Variants in RANBP2 observed in about 807,000 individuals in gnomAD.
RANBP2 encodes E3 SUMO-protein ligase RanBP2.
A neutral mutation model predicts 303.6 loss-of-function variants in RANBP2; 57 were observed. The ratio of observed to expected loss-of-function variants is 0.19; its 90% confidence interval spans 0.15 to 0.23. The LOEUF (loss-of-function observed/expected upper bound fraction) is 0.23. Among genes scored for constraint, RANBP2 ranks in the 10% least tolerant of loss-of-function variants. The probability of loss-of-function intolerance (pLI) is 1.00; values close to 1 mark genes in which losing one functional copy is unlikely to be tolerated. For synonymous variants in RANBP2, 1,167 were observed against 1,301.5 expected, an observed-to-expected ratio of 0.90 and a Z score of 2.23; for missense variants, 3,138 against 3,780.8, an observed-to-expected ratio of 0.83 and a Z score of 4.46.
At chr2:109,500,124 C>T in the RANBP2 span, among the ~76,000 whole-genome samples, 252 of 152,228 alleles carry the variant, frequency 1.7e-3, 2 homozygotes, top group African/African-American at 5.8e-3. Context: ...TTTTGGCTGC[C>T]GTGAGGTTTC....
At chr2:108,762,798 C>CCATCATCATCATCATCAT (rs112880794) in intron 19 of RANBP2, among the ~76,000 whole-genome samples, 1 of 151,294 alleles carries the variant, frequency 6.6e-6, no homozygotes, top group Middle Eastern at 3.4e-3. Flanking sequence ...ATAAATGTTA[C>CCATCATCATCATCATCAT]CATCATCATC....
the RANBP2 span, among the ~76,000 whole-genome samples, chr2:109,547,852 C>G: frequency 2.6e-5 from 4 of 152,132 alleles, no homozygotes; most frequent in Admixed American, 2.6e-4. Flanking sequence ...AAATAGGAAA[C>G]TCAGCTTGCT....
At chr2:109,101,386 AG>A in the RANBP2 span, among the ~76,000 whole-genome samples, 1 of 151,784 alleles carries the variant, frequency 6.6e-6, no homozygotes, top group Non-Finnish European at 1.5e-5. Context: ...AATCAGACAG[AG>A]GTGGTGGCGG....
At chr2:109,366,234 T>C in the RANBP2 span, among the ~76,000 whole-genome samples, 302 of 152,350 alleles carry the variant, frequency 2.0e-3, no homozygotes, top group Middle Eastern at 6.8e-3. Flanking sequence ...TTCCACTTTA[T>C]GGGCACCATG....
the RANBP2 span, among the ~76,000 whole-genome samples, chr2:109,095,374 TG>T: frequency 6.6e-6 from 1 of 152,180 alleles, no homozygotes; most frequent in Non-Finnish European, 1.5e-5. Context: ...AATGTGTTTT[TG>T]GTAAAAGATT....
At chr2:108,831,498 T>G in the RANBP2 span, among the ~76,000 whole-genome samples, 1 of 152,150 alleles carries the variant, frequency 6.6e-6, no homozygotes, top group East Asian at 1.9e-4. Flanking sequence ...AAGATATAAA[T>G]GAAGTGAAAT....
At chr2:109,604,558 T>A in the RANBP2 span, among the ~76,000 whole-genome samples, 4 of 150,496 alleles carry the variant, frequency 2.7e-5, no homozygotes, top group Non-Finnish European at 5.9e-5. Flanking sequence ...AAACCCTGTC[T>A]CCAGTAAAAA....
At chr2:109,552,936 G>T in the RANBP2 span, 1 of 859,790 alleles carries the variant, frequency 1.2e-6, no homozygotes, top group Non-Finnish European at 1.8e-6. Flanking sequence ...ATGATTCTAA[G>T]TCAATATTCA....
chr2:109,397,507 A>G, the RANBP2 span, among the ~76,000 whole-genome samples: 1 of 152,168 alleles, frequency 6.6e-6, no homozygotes, highest in African/African-American at 2.4e-5. Flanking sequence ...ATAGGTGTGC[A>G]CTTAGGCTGA....
At chr2:109,272,375 G>A in the RANBP2 span, among the ~76,000 whole-genome samples, 12 of 152,354 alleles carry the variant, frequency 7.9e-5, no homozygotes, top group Non-Finnish European at 1.5e-4. Context: ...TGGTGCAGAA[G>A]CAGGACTGTG....
At chr2:109,277,231 A>T in the RANBP2 span, among the ~76,000 whole-genome samples, 1 of 152,058 alleles carries the variant, frequency 6.6e-6, no homozygotes, top group African/African-American at 2.4e-5. Context: ...TGCATTTCGG[A>T]TGTGTCACAC....
At chr2:108,757,388 C>A (rs2693106) in intron 17 of RANBP2, among the ~76,000 whole-genome samples, 6 of 152,106 alleles carry the variant, frequency 3.9e-5, no homozygotes. Context: ...GGAGTCAGAT[C>A]TGGTTCAAAT....
At position 108,729,119 on chromosome 2, in the gene RANBP2, T is replaced by C. The variant is rs780522067; in HGVS notation, c.73-13T>C. 6.4e-7 allele frequency: 1 copy of C among 1,569,420 alleles called. No individual in the cohort carries two copies. The highest frequency in any genetic ancestry group is 8.6e-7 in the Non-Finnish European group (1 of 1,159,686). On this transcript the variant is annotated splice_polypyrimidine_tract_variant and intron_variant, in intron 1 of 28. Coordinates refer to ENST00000283195, the MANE Select transcript of RANBP2 (RefSeq NM_006267.5). The stretch of plus-strand genomic sequence containing the variant: ...TCTGTATGAAAAGTAAAACAACTTT[T>C]AATTTTTTTTAGAAGTCAATGAAAG...
chr2:109,263,586 ATTTTCATTCC>A, the RANBP2 span, among the ~76,000 whole-genome samples: 4 of 152,128 alleles, frequency 2.6e-5, no homozygotes, highest in Admixed American at 2.0e-4. Flanking sequence ...TAGGAGGTGG[ATTTTCATTCC>A]TTGAGCAAAG....
chr2:109,079,178 A>T, the RANBP2 span, among the ~76,000 whole-genome samples: 4 of 152,164 alleles, frequency 2.6e-5, no homozygotes, highest in East Asian at 7.7e-4. Flanking sequence ...CCTCCCCCTC[A>T]ACTAAAGACG....
the RANBP2 span, among the ~76,000 whole-genome samples, chr2:109,568,404 C>T: frequency 0.023 from 3,198 of 141,930 alleles, 46 homozygotes; most frequent in Non-Finnish European, 0.034. Flanking sequence ...GATGGAGTCT[C>T]GCTGTAACCC....
At chr2:108,937,624 CTGTA>C in the RANBP2 span, among the ~76,000 whole-genome samples, 98,982 of 151,242 alleles carry the variant, frequency 0.65, 34,727 homozygotes, top group Middle Eastern at 0.79. Flanking sequence ...GTGTGAGTGT[CTGTA>C]TGTTTATGTT....
intron 2 of RANBP2, 92 bp downstream of exon 2, chr2:108,729,291 G>C: frequency 7.5e-7 from 1 of 1,326,382 alleles, no homozygotes; most frequent in East Asian, 2.6e-5. Context: ...GTTCTTAGTA[G>C]TTCTTCCTAA....
At chr2:109,700,590 TA>T in the RANBP2 span, among the ~76,000 whole-genome samples, 1 of 152,058 alleles carries the variant, frequency 6.6e-6, no homozygotes, top group Non-Finnish European at 1.5e-5. Context: ...AGCAGAGGGA[TA>T]ACTTTGAATA....
Sources: gnomAD v4.1 joint callset for allele counts (sites outside exome capture counted in the v4.1 genomes callset) on GRCh38, gnomAD v4.1.1 for gene constraint, MANE v1.5 for transcripts, NCBI Gene and HGNC (gene_info 2026-07-23, HGNC 2026-07-21) for gene names.